The following CDC25C variants were observed in gnomAD, a reference collection of about 807,000 sequenced individuals.
CDC25C encodes cell division cycle 25C.
Under a neutral mutation model 52.5 loss-of-function variants are expected in CDC25C, and 48 were observed. The ratio of observed to expected loss-of-function variants is 0.91; its 90% CI spans 0.72 to 1.16. The LOEUF is 1.16. CDC25C is among the 50% of genes most tolerant of loss of function. The pLI, the probability that CDC25C is intolerant of heterozygous loss-of-function variation, is 0.00. For missense variants in CDC25C, 510 were observed against 566.1 expected (o/e 0.90, Z 1.01); for synonymous variants, 187 against 206.5 (o/e 0.91, Z 0.81).
intron 8 of CDC25C, 41 bp from the exon 9 acceptor site, chr5:138,290,781 G>A (rs1756641196): frequency 7.2e-6 from 9 of 1,258,204 alleles, no homozygotes; most frequent in Non-Finnish European, 1.1e-5. Context: ...CAATCCTCAT[G>A]TTAAAGGTTT....
intron 9 of CDC25C, 132 bp from the exon 10 acceptor site, chr5:138,289,695 A>G: frequency 3.0e-6 from 2 of 659,340 alleles, no homozygotes; most frequent in Non-Finnish European, 5.5e-6. Flanking sequence ...CAGTGTCTCT[A>G]TAAAGTGCAT....
chr5:138,302,971 T>A (rs1473290051), intron 7 of CDC25C, among the ~76,000 whole-genome samples: 1 of 150,720 alleles, frequency 6.6e-6, no homozygotes, highest in South Asian at 2.1e-4. Flanking sequence ...TGGGGAGGCA[T>A]AGGCAAGAGG....
chr5:138,309,131 T>C (rs996997469), intron 7 of CDC25C, among the ~76,000 whole-genome samples: 1 of 152,014 alleles, frequency 6.6e-6, no homozygotes, highest in Admixed American at 6.6e-5. Flanking sequence ...ATTCTTACAA[T>C]GTCCACTGAC....
intron 6 of CDC25C, among the ~76,000 whole-genome samples, chr5:138,322,101 A>C (rs1325552590): frequency 1.3e-5 from 2 of 151,300 alleles, no homozygotes; most frequent in Non-Finnish European, 2.9e-5. Context: ...TCCCGGGTTC[A>C]CGCCATTCTC....
chr5:138,292,480 C>CAAAA (rs70982703), intron 7 of CDC25C, among the ~76,000 whole-genome samples: 15 of 63,514 alleles, frequency 2.4e-4, no homozygotes, highest in African/African-American at 4.7e-4. Flanking sequence ...GTTATGTGAC[C>CAAAA]AAAAAAAAAA....
At chr5:138,316,662 G>T (rs1392554631) in intron 7 of CDC25C, among the ~76,000 whole-genome samples, 1 of 152,174 alleles carries the variant, frequency 6.6e-6, no homozygotes, top group Non-Finnish European at 1.5e-5. Context: ...CCCAGGCTCA[G>T]CCAGAGCAGG....
chr5:138,316,807 A>T (rs1297484366), intron 7 of CDC25C, among the ~76,000 whole-genome samples: 11 of 152,062 alleles, frequency 7.2e-5, no homozygotes, highest in Admixed American at 5.2e-4. Flanking sequence ...CTCTGCTGAG[A>T]GCTGAATACG....
At chr5:138,337,999 C>A (rs1760835618) in exon 1 of CDC25C, 1 of 1,289,502 alleles carries the variant, frequency 7.8e-7, no homozygotes, top group Admixed American at 2.3e-5. Context: ...AGATGTGCCT[C>A]CAACTGGGGC....
intron 6 of CDC25C, among the ~76,000 whole-genome samples, chr5:138,320,470 G>A (rs955982237): frequency 5.9e-5 from 9 of 151,954 alleles, no homozygotes; most frequent in Admixed American, 1.3e-4. Flanking sequence ...ACATACAAAA[G>A]AAATGAAATT....
At chr5:138,286,663 CAG>C in intron 11 of CDC25C, 33 bp from the exon 12 acceptor site, 1 of 1,593,690 alleles carries the variant, frequency 6.3e-7, no homozygotes, top group South Asian at 1.1e-5. Context: ...AGTATTTCCT[CAG>C]GGGCTTATAG....
chr5:138,309,866 C>T (rs1439821524), intron 7 of CDC25C, among the ~76,000 whole-genome samples: 1 of 151,852 alleles, frequency 6.6e-6, no homozygotes, highest in African/African-American at 2.4e-5. Context: ...GCCACCAAAC[C>T]CGGCTAATTT....
intron 10 of CDC25C, among the ~76,000 whole-genome samples, chr5:138,288,749 G>A (rs1222141274): frequency 6.6e-6 from 1 of 152,108 alleles, no homozygotes; most frequent in Non-Finnish European, 1.5e-5. Flanking sequence ...GGTTATCTCT[G>A]GTGATGAGAT....
chr5:138,324,105 T>C (rs749776447), intron 6 of CDC25C, among the ~76,000 whole-genome samples: 7 of 151,614 alleles, frequency 4.6e-5, no homozygotes, highest in Non-Finnish European at 7.4e-5. Flanking sequence ...ACCCCATCTC[T>C]ACTAAAATAC....
intron 7 of CDC25C, among the ~76,000 whole-genome samples, chr5:138,299,795 AC>A (rs1757500642): frequency 6.6e-6 from 1 of 151,926 alleles, no homozygotes. Flanking sequence ...TTAGAGCAGA[AC>A]TTAAGAGAAT....
intron 7 of CDC25C, among the ~76,000 whole-genome samples, chr5:138,303,806 T>C (rs1219973165): frequency 6.6e-6 from 1 of 152,208 alleles, no homozygotes; most frequent in East Asian, 1.9e-4. Flanking sequence ...TGTCTGTCTG[T>C]TTCCTCATAA....
chr5:138,302,878 G>C (rs1757736468), intron 7 of CDC25C, among the ~76,000 whole-genome samples: 2 of 151,150 alleles, frequency 1.3e-5, no homozygotes, highest in South Asian at 4.2e-4. Context: ...TGGACAAAAT[G>C]GTGAGATCCC....
chr5:138,304,649 G>A (rs1757872262), intron 7 of CDC25C, among the ~76,000 whole-genome samples: 1 of 151,988 alleles, frequency 6.6e-6, no homozygotes, highest in Non-Finnish European at 1.5e-5. Context: ...GGGACTACAG[G>A]CATGCACTAC....
upstream of CDC25C, among the ~76,000 whole-genome samples, chr5:138,333,143 C>G (rs1322624170): frequency 7.9e-5 from 12 of 152,258 alleles, no homozygotes. Flanking sequence ...GGTATTACCC[C>G]ATACTTCTTA....
chr5:138,335,913 A>C (rs1760669639), upstream of CDC25C, among the ~76,000 whole-genome samples: 1 of 151,918 alleles, frequency 6.6e-6, no homozygotes, highest in Non-Finnish European at 1.5e-5. Context: ...AAAAAGGTGA[A>C]CAGCTTAGTG....
Sources: gnomAD v4.1 joint callset for allele counts (sites outside exome capture counted in the v4.1 genomes callset) on GRCh38, gnomAD v4.1.1 for gene constraint, MANE v1.5 for transcripts, NCBI Gene and HGNC (gene_info 2026-07-23, HGNC 2026-07-21) for gene names.